MYCT1: variants seen among roughly 807,000 people sequenced by gnomAD.
MYCT1 encodes MYC target 1, also known as myc target protein 1.
Under a neutral mutation model 15.0 loss-of-function variants are expected in MYCT1, and 12 were observed. The ratio of observed to expected loss-of-function variants is 0.80; its 90% CI spans 0.51 to 1.29. The LOEUF is 1.29. Among genes scored for constraint, MYCT1 ranks in the 50% most tolerant of loss-of-function variants. MYCT1 has a pLI of 0.00. For missense variants in MYCT1, 287 were observed against 279.1 expected (o/e 1.03, Z -0.20); for synonymous variants, 104 against 102.7 (o/e 1.01, Z -0.07).
chr6:152,745,650 C>T, the MYCT1 span, among the ~76,000 whole-genome samples: 237 of 152,264 alleles, frequency 1.6e-3, 3 homozygotes, highest in African/African-American at 5.4e-3. Flanking sequence ...ATCTGGGAGG[C>T]TTCCTCTGGG....
downstream of MYCT1, among the ~76,000 whole-genome samples, chr6:152,729,127 A>G (rs1361160643): frequency 1.3e-5 from 2 of 152,210 alleles, no homozygotes; most frequent in Non-Finnish European, 2.9e-5. Context: ...GCAATTAGGA[A>G]TAGAATTTTT....
At chr6:152,727,754 T>G (rs913277954), downstream of MYCT1, among the ~76,000 whole-genome samples, 7 of 152,192 alleles carry the variant, frequency 4.6e-5, no homozygotes, top group African/African-American at 1.2e-4. Context: ...TCCCAATGGC[T>G]GTCACTCTGA....
At chr6:152,737,079 A>G in the MYCT1 span, among the ~76,000 whole-genome samples, 3 of 151,986 alleles carry the variant, frequency 2.0e-5, no homozygotes, top group Non-Finnish European at 4.4e-5. Flanking sequence ...TATCTTGAAC[A>G]TTACAAAAGA....
chr6:152,744,029 A>C, the MYCT1 span, among the ~76,000 whole-genome samples: 1 of 152,162 alleles, frequency 6.6e-6, no homozygotes, highest in East Asian at 1.9e-4. Context: ...AGTTTGCCTC[A>C]AGTCTCCTTC....
intron 1 of MYCT1, among the ~76,000 whole-genome samples, chr6:152,719,661 G>C (rs1403244755): frequency 6.6e-6 from 1 of 152,288 alleles, no homozygotes; most frequent in East Asian, 1.9e-4. Context: ...TTCCACAGGA[G>C]ATAAATGTGA....
At chr6:152,746,673 A>C in the MYCT1 span, among the ~76,000 whole-genome samples, 2 of 152,246 alleles carry the variant, frequency 1.3e-5, no homozygotes, top group Admixed American at 6.5e-5. Context: ...CAACTTCCAC[A>C]TCTTAGTATT....
Position 152,722,320 on chromosome 6 carries a change from G to A in MYCT1, c.*67G>A. On this transcript the variant is annotated 3_prime_UTR_variant, in exon 2 of 2. Coordinates refer to ENST00000367245, the MANE Select transcript of MYCT1 (RefSeq NM_025107.3). ...TTTATTGAAAGGAAATCAAAAATAG[G>A]CTAAACAGAATTTTGAGGGCATGGC... 2 of 1,495,668 alleles carry A rather than the reference G, an allele frequency of 1.3e-6. No homozygotes were observed. Among genetic ancestry groups the A allele is most frequent in the South Asian group, 2.7e-5 (2 of 74,794 alleles). The allele number at this position is 1,495,668 out of a possible 1,614,324, so 92.6% of individuals were successfully genotyped here.
At chr6:152,713,315 A>T (rs1292842685) in intron 1 of MYCT1, among the ~76,000 whole-genome samples, 1 of 152,002 alleles carries the variant, frequency 6.6e-6, no homozygotes, top group Non-Finnish European at 1.5e-5. Context: ...GTTTTACTTG[A>T]AATCATTGAA....
chr6:152,746,392 A>G, the MYCT1 span, among the ~76,000 whole-genome samples: 1 of 152,216 alleles, frequency 6.6e-6, no homozygotes, highest in Non-Finnish European at 1.5e-5. Flanking sequence ...GGACAAAGGG[A>G]TGATTCACAT....
chr6:152,708,121 A>G (rs890060512), intron 1 of MYCT1, among the ~76,000 whole-genome samples: 4 of 151,928 alleles, frequency 2.6e-5, no homozygotes, highest in Non-Finnish European at 5.9e-5. Context: ...ATTCACAAAT[A>G]TAGTATATCT....
rs373184170 is a variant in MYCT1 at position 152,701,905 on chromosome 6, T to G, written c.196+3807T>G. ...AACCCTAGAGCTGCAGGAGCCTTCC[T>G]TAGGAGGTTGGGCTACATCAGGTGC... On this transcript the variant is annotated intron_variant, in intron 1 of 1. Coordinates refer to ENST00000367245, the MANE Select transcript of MYCT1 (RefSeq NM_025107.3). Among the ~76,000 whole-genome samples the G allele has an allele frequency of 9.8e-5, 15 of 152,294 alleles. 1 individual carries two copies. Among genetic ancestry groups the G allele is most frequent in the East Asian group, 5.8e-4 (3 of 5,184 alleles).
chr6:152,727,679 T>G (rs1359735419), downstream of MYCT1, among the ~76,000 whole-genome samples: 1 of 152,182 alleles, frequency 6.6e-6, no homozygotes. Context: ...AGTTCCAAAA[T>G]GCCTGACCAG....
chr6:152,735,025 G>T, the MYCT1 span, among the ~76,000 whole-genome samples: 1 of 152,160 alleles, frequency 6.6e-6, no homozygotes. Context: ...TGCTTATGAG[G>T]TAATGCTGCT....
intron 1 of MYCT1, among the ~76,000 whole-genome samples, chr6:152,703,381 T>A (rs546107705): frequency 6.6e-6 from 1 of 152,340 alleles, no homozygotes; most frequent in Admixed American, 6.5e-5. Context: ...TTTTTCAACA[T>A]TTTATTATGA....
At chr6:152,698,543 G>T (rs1375761061) in intron 1 of MYCT1, among the ~76,000 whole-genome samples, 1 of 151,974 alleles carries the variant, frequency 6.6e-6, no homozygotes, top group East Asian at 1.9e-4. Flanking sequence ...TTCCATAGAG[G>T]CTATTTTCAC....
rs377698174 is a variant in MYCT1, at chr6:152,699,017, T to C, written c.196+919T>C. Among the ~76,000 whole-genome samples, 33 of 152,302 alleles carry C rather than the reference T, an allele frequency of 2.2e-4. 4 individuals carry two copies. The highest frequency in any genetic ancestry group is 1.7e-3 in the Admixed American group (26 of 15,288). ...ATTTAAATTAAATTCAGAAAAACAC[T>C]TTAATGAAGAAAATAGTATATATGG... On this transcript the variant is annotated intron_variant, in intron 1 of 1. Transcript: ENST00000367245.
intron 1 of MYCT1, among the ~76,000 whole-genome samples, chr6:152,709,326 G>A (rs62426340): frequency 0.033 from 672 of 20,108 alleles, no homozygotes; most frequent in East Asian, 0.21. Flanking sequence ...ACATACGTGT[G>A]CATGTGTCTT....
intron 1 of MYCT1, among the ~76,000 whole-genome samples, chr6:152,714,351 T>G (rs1216148767): frequency 6.6e-6 from 1 of 151,008 alleles, no homozygotes; most frequent in Non-Finnish European, 1.5e-5. Flanking sequence ...CTGCTTTCTC[T>G]TATTTACTGT....
chr6:152,742,373 T>G, the MYCT1 span, among the ~76,000 whole-genome samples: 2 of 152,224 alleles, frequency 1.3e-5, no homozygotes, highest in Admixed American at 1.3e-4. Flanking sequence ...CATGAGAGAA[T>G]ACGGTACTTT....
Sources: gnomAD v4.1 joint callset for allele counts (sites outside exome capture counted in the v4.1 genomes callset) on GRCh38, gnomAD v4.1.1 for gene constraint, MANE v1.5 for transcripts, NCBI Gene and HGNC (gene_info 2026-07-23, HGNC 2026-07-21) for gene names.